The following PASD1 variants were observed in gnomAD, a reference collection of about 807,000 sequenced individuals.
PASD1 encodes the protein circadian clock protein PASD1.
PASD1 carries 13 observed loss-of-function variants against 58.8 expected under a neutral mutation model. The observed-to-expected ratio is 0.22, with a 90% confidence interval of 0.14 to 0.35. PASD1 has a LOEUF of 0.35. PASD1 is among the 10% of genes least tolerant of loss of function. The probability of loss-of-function intolerance (pLI) is 1.00; values close to 1 mark genes in which losing one functional copy is unlikely to be tolerated. For missense variants in PASD1, 734 were observed against 568.3 expected (o/e 1.29, Z -2.96); for synonymous variants, 236 against 216.7 (o/e 1.09, Z -0.78).
At chrX:151,639,716 C>T (rs930485641) in intron 8 of PASD1, among the ~76,000 whole-genome samples, 19 of 111,566 alleles carry the variant, frequency 1.7e-4, no homozygotes, top group Non-Finnish European at 3.4e-4. Flanking sequence ...AGCTCTTCTC[C>T]TAGAAAATCA....
chrX:151,622,865 T>A, intron 6 of PASD1, 72 bp from the exon 7 acceptor site: 1 of 1,063,711 alleles, frequency 9.4e-7, no homozygotes, highest in Non-Finnish European at 1.3e-6. Flanking sequence ...AGCACATGGA[T>A]GTGTCAGGTA....
At chrX:151,673,604 C>G in intron 14 of PASD1, 1 of 322,005 alleles carries the variant, frequency 3.1e-6, no homozygotes, top group Non-Finnish European at 5.5e-6. Flanking sequence ...TCTGCTCAGC[C>G]ATTAGCTCCC....
chrX:151,570,337 G>A (rs1453360017), intron 1 of PASD1, among the ~76,000 whole-genome samples: 1 of 112,140 alleles, frequency 8.9e-6, no homozygotes, highest in African/African-American at 3.2e-5. Context: ...AAAATAGACT[G>A]GAAAGAAATA....
intron 9 of PASD1, among the ~76,000 whole-genome samples, chrX:151,658,027 A>G (rs2014268871): frequency 9.0e-6 from 1 of 111,184 alleles, no homozygotes; most frequent in Admixed American, 9.6e-5. Context: ...AGATTTGGGA[A>G]CAGACTTCTT....
intron 1 of PASD1, among the ~76,000 whole-genome samples, chrX:151,598,558 T>C (rs1015519561): frequency 2.7e-5 from 3 of 111,633 alleles, no homozygotes; most frequent in African/African-American, 9.8e-5. Context: ...TTGTCCTTCA[T>C]GTCTCATAAC....
chrX:151,571,644 AG>A (rs1464776853), intron 1 of PASD1, among the ~76,000 whole-genome samples: 1 of 112,420 alleles, frequency 8.9e-6, no homozygotes, highest in Non-Finnish European at 1.9e-5. Context: ...TGTCAAATAG[AG>A]GTTGGAGTTT....
intron 11 of PASD1, among the ~76,000 whole-genome samples, chrX:151,666,030 TAATG>T (rs1288683166): frequency 7.3e-5 from 8 of 109,877 alleles, no homozygotes; most frequent in African/African-American, 2.3e-4. Context: ...TTATTCCAAA[TAATG>T]AAAACAACAA....
chrX:151,578,311 G>C (rs1185979031), intron 1 of PASD1: 2 of 112,018 alleles, frequency 1.8e-5, no homozygotes, highest in Non-Finnish European at 3.8e-5. Context: ...TGTTCTGCAG[G>C]ACCAGTGACC....
intron 1 of PASD1, among the ~76,000 whole-genome samples, chrX:151,598,191 C>T (rs1297163650): frequency 7.2e-5 from 8 of 111,814 alleles, no homozygotes; most frequent in Non-Finnish European, 1.5e-4. Flanking sequence ...TGAGTATTTT[C>T]TGCTTTTCAG....
chrX:151,670,941 T>G lies in PASD1; in HGVS notation c.1072-97T>G, dbSNP rs2014458924. 7.4e-6 allele frequency: 7 copies of G among 950,413 alleles called. No individual in the cohort carries two copies. The South Asian group carries it at 2.0e-4, about 27-fold the overall frequency. 78.3% of individuals were successfully genotyped at this position (950,413 alleles called of 1,213,427 possible). A position where few individuals can be genotyped will look rare whatever the true frequency, so the allele number is the denominator to read the frequency against. On this transcript the variant is annotated intron_variant, in intron 11 of 15. Coordinates refer to ENST00000370357, the MANE Select transcript of PASD1 (RefSeq NM_173493.3). Reference sequence around the variant, plus strand: ...CAGGATTTGAGAGCTACCATTTGCATTCTCAGTCTTTCAGAAATTTTGAAG... The same window carrying G: ...CAGGATTTGAGAGCTACCATTTGCAGTCTCAGTCTTTCAGAAATTTTGAAG...
At chrX:151,608,152 C>T (rs991734510) in intron 3 of PASD1, among the ~76,000 whole-genome samples, 1 of 111,530 alleles carries the variant, frequency 9.0e-6, no homozygotes. Flanking sequence ...GTGTATTTCA[C>T]TGTTCTTTTA....
chrX:151,595,334 C>A (rs771267678), intron 1 of PASD1, among the ~76,000 whole-genome samples: 1 of 111,531 alleles, frequency 9.0e-6, no homozygotes, highest in African/African-American at 3.3e-5. Flanking sequence ...ATGTCTTCCA[C>A]CTAGGCATGA....
intron 9 of PASD1, among the ~76,000 whole-genome samples, chrX:151,656,600 A>G (rs1376576682): frequency 9.0e-6 from 1 of 110,857 alleles, no homozygotes; most frequent in Non-Finnish European, 1.9e-5. Context: ...ATTCCTAGGT[A>G]TTTTATTCTC....
chrX:151,590,824 C>T (rs1318890099), intron 1 of PASD1, among the ~76,000 whole-genome samples: 1 of 111,708 alleles, frequency 9.0e-6, no homozygotes, highest in Non-Finnish European at 1.9e-5. Flanking sequence ...CTTGACCTCC[C>T]GAAGTGCCGG....
intron 8 of PASD1, among the ~76,000 whole-genome samples, chrX:151,635,400 A>C (rs1478772300): frequency 8.9e-6 from 1 of 111,835 alleles, no homozygotes; most frequent in African/African-American, 3.2e-5. Flanking sequence ...ATATAAAGAT[A>C]CATATCTATA....
chrX:151,622,062 C>A (rs1432957707), intron 6 of PASD1, among the ~76,000 whole-genome samples: 1 of 109,517 alleles, frequency 9.1e-6, no homozygotes, highest in Non-Finnish European at 1.9e-5. Flanking sequence ...ATGAAGTGAT[C>A]AATAAAGTTC....
At chrX:151,625,144 A>T (rs2013767244) in intron 7 of PASD1, among the ~76,000 whole-genome samples, 1 of 112,105 alleles carries the variant, frequency 8.9e-6, no homozygotes, top group Non-Finnish European at 1.9e-5. Context: ...TTGTGCAAAC[A>T]GGCGGGCTTT....
chrX:151,666,370 ACCTTTTTTTTTCT>A (rs965888450), intron 11 of PASD1, among the ~76,000 whole-genome samples: 2 of 103,220 alleles, frequency 1.9e-5, no homozygotes, highest in African/African-American at 7.1e-5. Flanking sequence ...AGTCTCATCC[ACCTTTTTTTTTCT>A]CCTTTTTTTT....
intron 1 of PASD1, among the ~76,000 whole-genome samples, chrX:151,594,101 G>A (rs2013285666): frequency 9.0e-6 from 1 of 110,607 alleles, no homozygotes; most frequent in Admixed American, 9.6e-5. Flanking sequence ...AGCCTCCTGA[G>A]CAGCTGGGAC....
Sources: allele counts gnomAD v4.1 joint callset (sites outside exome capture counted in the v4.1 genomes callset), GRCh38; gene constraint gnomAD v4.1.1; transcripts MANE v1.5; gene names NCBI Gene and HGNC (gene_info 2026-07-23, HGNC 2026-07-21).